Variants in GALNT13 observed in about 807,000 individuals in gnomAD.
The protein encoded by GALNT13 is UDP-GalNAc:polypeptide N-acetylgalactosaminyltransferase 13.
A neutral mutation model predicts 64.2 loss-of-function variants in GALNT13; 28 were observed. The ratio of observed to expected loss-of-function variants is 0.44; its 90% CI spans 0.32 to 0.60. GALNT13 has a LOEUF of 0.60. GALNT13 is among the 20% of genes least tolerant of loss of function. The pLI, the probability that GALNT13 is intolerant of heterozygous loss-of-function variation, is 0.05. For synonymous variants in GALNT13, 214 were observed against 224.6 expected (o/e 0.95, Z 0.42); for missense variants, 577 against 669.8 (o/e 0.86, Z 1.53).
chr2:154,004,009 A>G (rs1264879801), intron 3 of GALNT13, among the ~76,000 whole-genome samples: 2 of 152,160 alleles, frequency 1.3e-5, no homozygotes, highest in Non-Finnish European at 2.9e-5. Flanking sequence ...ATAGCAATGA[A>G]AAAACAGACT....
the GALNT13 span, among the ~76,000 whole-genome samples, chr2:153,840,708 G>T: frequency 2.6e-5 from 4 of 152,078 alleles, no homozygotes; most frequent in Admixed American, 1.3e-4. Flanking sequence ...AGAATTGCCT[G>T]GCAGAAAATA....
the GALNT13 span, among the ~76,000 whole-genome samples, chr2:153,711,854 C>A: frequency 6.6e-6 from 1 of 152,218 alleles, no homozygotes; most frequent in African/African-American, 2.4e-5. Context: ...AAAGGCATCA[C>A]CTTTATTCAC....
chr2:153,993,295 T>C (rs1695286921), intron 3 of GALNT13, among the ~76,000 whole-genome samples: 1 of 151,838 alleles, frequency 6.6e-6, no homozygotes, highest in Non-Finnish European at 1.5e-5. Context: ...AATAAAGTGA[T>C]TGTAAATTTA....
chr2:154,363,675 G>A (rs1422975535), intron 9 of GALNT13, among the ~76,000 whole-genome samples: 1 of 152,148 alleles, frequency 6.6e-6, no homozygotes, highest in African/African-American at 2.4e-5. Context: ...GTTTTTATGT[G>A]AAGCTCTTTT....
chr2:153,359,574 A>T, the GALNT13 span, among the ~76,000 whole-genome samples: 1 of 143,202 alleles, frequency 7.0e-6, no homozygotes, highest in African/African-American at 2.5e-5. Flanking sequence ...GAGAGAGTGA[A>T]GATGTGAGCA....
chr2:153,677,227 C>A, the GALNT13 span, among the ~76,000 whole-genome samples: 1 of 150,764 alleles, frequency 6.6e-6, no homozygotes, highest in African/African-American at 2.4e-5. Flanking sequence ...TTTCTACATA[C>A]GAATAACATT....
chr2:154,071,630 A>G (rs1036511102), intron 3 of GALNT13, among the ~76,000 whole-genome samples: 3 of 152,162 alleles, frequency 2.0e-5, no homozygotes, highest in African/African-American at 7.2e-5. Context: ...GCCAATACTC[A>G]TGGTGTGTTT....
chr2:154,414,032 T>A (rs915084833), intron 11 of GALNT13, among the ~76,000 whole-genome samples: 1 of 152,034 alleles, frequency 6.6e-6, no homozygotes, highest in African/African-American at 2.4e-5. Context: ...TTTTATTGTT[T>A]AACATACAAT....
At chr2:154,120,041 C>T (rs1393843941) in intron 3 of GALNT13, among the ~76,000 whole-genome samples, 1 of 152,090 alleles carries the variant, frequency 6.6e-6, no homozygotes, top group Non-Finnish European at 1.5e-5. Flanking sequence ...TTTGTGGAGA[C>T]TTCCCTCTCT....
At chr2:153,963,455 A>G (rs2105100411) in intron 3 of GALNT13, among the ~76,000 whole-genome samples, 1 of 152,282 alleles carries the variant, frequency 6.6e-6, no homozygotes, top group Admixed American at 6.5e-5. Flanking sequence ...GGAAGTGCTG[A>G]GTCATATGCC....
chr2:153,386,768 C>T, the GALNT13 span, among the ~76,000 whole-genome samples: 1 of 152,054 alleles, frequency 6.6e-6, no homozygotes, highest in Non-Finnish European at 1.5e-5. Context: ...AGCACTTTAT[C>T]CCCAAAAGGA....
chr2:153,539,124 G>C, the GALNT13 span, among the ~76,000 whole-genome samples: 7 of 144,344 alleles, frequency 4.8e-5, no homozygotes, highest in African/African-American at 1.6e-4. Context: ...GTTTTGATTT[G>C]CATTTCTCTG....
rs61497570 is a variant in GALNT13, at chr2:154,098,909, A to ATT, written c.143-41419_143-41418dup. 2.8e-3 allele frequency among the ~76,000 whole-genome samples: 419 copies of ATT among 149,798 alleles called. 2 individuals are homozygous for ATT. Among genetic ancestry groups the ATT allele is most frequent in the African/African-American group, 9.0e-3 (367 of 40,616 alleles). ...TGCAGGTGTCTTTATGTATATAATG[A>ATT]TTTTTTTTTTCCTTTGGGTAGATAC... is the stretch of plus-strand genomic sequence containing the variant. On this transcript the variant is annotated intron_variant, in intron 3 of 12. Coordinates refer to ENST00000392825, the MANE Select transcript of GALNT13 (RefSeq NM_052917.4).
At chr2:153,607,993 A>T in the GALNT13 span, among the ~76,000 whole-genome samples, 1 of 152,102 alleles carries the variant, frequency 6.6e-6, no homozygotes, top group Non-Finnish European at 1.5e-5. Context: ...GTTACCCTTC[A>T]GTAGCCTACC....
At chr2:153,138,401 G>C in the GALNT13 span, among the ~76,000 whole-genome samples, 1 of 152,070 alleles carries the variant, frequency 6.6e-6, no homozygotes, top group Non-Finnish European at 1.5e-5. Context: ...TTGCAGAATT[G>C]TGGGGGAAAC....
chr2:154,225,347 G>A (rs1220154722), intron 4 of GALNT13, among the ~76,000 whole-genome samples: 1 of 151,946 alleles, frequency 6.6e-6, no homozygotes, highest in Non-Finnish European at 1.5e-5. Flanking sequence ...ATGATAACAC[G>A]TTCTGCTTGC....
chr2:154,389,228 C>T (rs978019345), intron 9 of GALNT13, among the ~76,000 whole-genome samples: 14 of 152,056 alleles, frequency 9.2e-5, no homozygotes, highest in African/African-American at 2.7e-4. Flanking sequence ...CTCCACCTCC[C>T]GGGTTCAAGT....
chr2:153,285,275 T>C, the GALNT13 span, among the ~76,000 whole-genome samples: 1 of 152,186 alleles, frequency 6.6e-6, no homozygotes, highest in African/African-American at 2.4e-5. Context: ...GGTCCCACCC[T>C]TGATTTGTGG....
chr2:153,448,484 G>A, the GALNT13 span, among the ~76,000 whole-genome samples: 1 of 151,998 alleles, frequency 6.6e-6, no homozygotes, highest in South Asian at 2.1e-4. Context: ...GATATTTCTG[G>A]TGATAAATTA....
Sources: gnomAD v4.1 joint callset for allele counts (sites outside exome capture counted in the v4.1 genomes callset) on GRCh38, gnomAD v4.1.1 for gene constraint, MANE v1.5 for transcripts, NCBI Gene and HGNC (gene_info 2026-07-23, HGNC 2026-07-21) for gene names.